Variants in DCC observed in about 807,000 individuals in gnomAD.
DCC encodes netrin receptor DCC.
Under a neutral mutation model 172.5 loss-of-function variants are expected in DCC, and 58 were observed. The observed-to-expected ratio is 0.34, with a 90% confidence interval of 0.27 to 0.42. The LOEUF (loss-of-function observed/expected upper bound fraction) is 0.42, where lower values mean the gene tolerates loss of function less well. Among genes scored for constraint, DCC ranks in the 10% least tolerant of loss-of-function variants. The pLI is 1.00. For missense variants in DCC, 1,740 were observed against 1,791.0 expected (o/e 0.97, Z 0.51); for synonymous variants, 709 against 644.5 (o/e 1.10, Z -1.52).
intron 7 of DCC, among the ~76,000 whole-genome samples, chr18:53,117,943 A>T (rs1401119643): frequency 6.6e-6 from 1 of 151,672 alleles, no homozygotes; most frequent in Admixed American, 6.6e-5. Context: ...TTCTTGTCTT[A>T]TGGGCCACAC....
At chr18:53,495,425 T>C (rs1385998006) in intron 26 of DCC, among the ~76,000 whole-genome samples, 1 of 151,876 alleles carries the variant, frequency 6.6e-6, no homozygotes, top group Non-Finnish European at 1.5e-5. Context: ...GAAAATTCTT[T>C]AAGAATGTTG....
At chr18:53,200,805 C>G (rs183630115) in intron 9 of DCC, among the ~76,000 whole-genome samples, 22 of 152,208 alleles carry the variant, frequency 1.4e-4, no homozygotes, top group African/African-American at 5.1e-4. Context: ...CATACACAGC[C>G]CCTACATTGC....
In DCC at chr18:53,449,283, C is replaced by T. The variant is rs148224456; in HGVS notation, c.3230-1217C>T. 7.2e-3 allele frequency among the ~76,000 whole-genome samples: 1,101 copies of T among 152,200 alleles called. 17 individuals carry two copies. The highest frequency in any genetic ancestry group is 0.027 in the Admixed American group (409 of 15,296). Reference sequence around the variant, plus strand: ...AATGACAAACATGACTGACATAGAACAGAGTATTGCTAGTTGATTTATCAT... The same window carrying T: ...AATGACAAACATGACTGACATAGAATAGAGTATTGCTAGTTGATTTATCAT... On this transcript the variant is annotated intron_variant, in intron 22 of 28. Transcript: ENST00000442544.
chr18:52,939,943 A>G (rs1167104988), intron 5 of DCC, among the ~76,000 whole-genome samples: 4 of 143,454 alleles, frequency 2.8e-5, no homozygotes, highest in Non-Finnish European at 6.1e-5. Context: ...ATCTTTGTAT[A>G]ATGTGTATTT....
intron 2 of DCC, among the ~76,000 whole-genome samples, chr18:52,767,604 C>T (rs1274517347): frequency 6.6e-6 from 1 of 152,168 alleles, no homozygotes; most frequent in East Asian, 1.9e-4. Context: ...TGTTCAAAAA[C>T]TGCAAGCAGT....
intron 15 of DCC, among the ~76,000 whole-genome samples, chr18:53,346,820 T>C (rs191183801): frequency 1.3e-5 from 2 of 152,302 alleles, no homozygotes; most frequent in Admixed American, 1.3e-4. Context: ...TACCATTTTT[T>C]TGGTATGTTG....
chr18:52,887,356 C>T (rs2039585211), intron 2 of DCC, among the ~76,000 whole-genome samples: 2 of 151,818 alleles, frequency 1.3e-5, no homozygotes, highest in African/African-American at 4.8e-5. Context: ...AATGGAGAGC[C>T]AAACATATTA....
intron 1 of DCC, among the ~76,000 whole-genome samples, chr18:52,685,690 C>T (rs567947829): frequency 6.6e-5 from 10 of 151,432 alleles, no homozygotes; most frequent in African/African-American, 2.5e-4. Context: ...TCTCCACTCT[C>T]CCATCTCCCT....
At chr18:52,762,283 G>A (rs936903293) in intron 2 of DCC, among the ~76,000 whole-genome samples, 1 of 151,676 alleles carries the variant, frequency 6.6e-6, no homozygotes, top group African/African-American at 2.4e-5. Flanking sequence ...GATCAGCATG[G>A]GCAACATAGT....
intron 1 of DCC, among the ~76,000 whole-genome samples, chr18:52,366,842 C>T (rs1302198020): frequency 6.6e-6 from 1 of 152,240 alleles, no homozygotes; most frequent in Non-Finnish European, 1.5e-5. Flanking sequence ...CTAGCTTCAC[C>T]CAGTGGATCC....
At position 53,410,612 on chromosome 18, in the gene DCC, A is replaced by G; in HGVS notation, c.3096A>G (p.Pro1032=). The G allele has an allele frequency of 1.2e-6, 2 of 1,609,564 alleles. No individual in the cohort carries two copies. Among genetic ancestry groups the G allele is most frequent in the Non-Finnish European group, 1.7e-6 (2 of 1,175,946 alleles). ...IQARNSKGVG[P]LSDPILFRTL... ...CACGAAATTCAAAAGGAGTGGGGCC[A>G]CTCTCTGATCCTATCCTCTTCAGGA... The change falls in exon 20 of 29, where the codon CCA becomes CCG. Residue 1032 remains proline, a synonymous_variant. Transcript: ENST00000442544.
At chr18:52,652,408 G>C (rs999877509) in intron 1 of DCC, among the ~76,000 whole-genome samples, 1 of 152,146 alleles carries the variant, frequency 6.6e-6, no homozygotes, top group East Asian at 1.9e-4. Flanking sequence ...CCCAGCAAGA[G>C]TATTTTATTT....
chr18:52,669,577 G>A (rs1438359923), intron 1 of DCC, among the ~76,000 whole-genome samples: 2 of 152,138 alleles, frequency 1.3e-5, no homozygotes, highest in African/African-American at 4.8e-5. Flanking sequence ...TTGCAAAGGC[G>A]GTTTCAATGG....
intron 1 of DCC, among the ~76,000 whole-genome samples, chr18:52,687,098 C>T (rs1372390895): frequency 6.6e-6 from 1 of 152,004 alleles, no homozygotes; most frequent in African/African-American, 2.4e-5. Flanking sequence ...CTGACCCTCC[C>T]CCATAACCTT....
At chr18:52,926,916 T>TAAATATATACAC (rs1555682723) in intron 5 of DCC, among the ~76,000 whole-genome samples, 1 of 136,628 alleles carries the variant, frequency 7.3e-6, no homozygotes, top group Non-Finnish European at 1.6e-5. Flanking sequence ...TATATACGTA[T>TAAATATATACAC]ACATATATAT....
chr18:53,369,360 C>T (rs1435317826), intron 15 of DCC, among the ~76,000 whole-genome samples: 2 of 151,778 alleles, frequency 1.3e-5, no homozygotes, highest in Non-Finnish European at 2.9e-5. Flanking sequence ...TTGATTTTAG[C>T]TAAAAACTGA....
At chr18:53,462,000 T>TCTC (rs1194373393) in intron 24 of DCC, among the ~76,000 whole-genome samples, 5 of 152,178 alleles carry the variant, frequency 3.3e-5, no homozygotes, top group Non-Finnish European at 7.4e-5. Flanking sequence ...CTTTTCCCCT[T>TCTC]CTCTCCACTT....
At chr18:52,348,751 T>C (rs1983988688) in intron 1 of DCC, among the ~76,000 whole-genome samples, 1 of 152,178 alleles carries the variant, frequency 6.6e-6, no homozygotes, top group Non-Finnish European at 1.5e-5. Context: ...GCCTAATACT[T>C]TACCATGTTG....
intron 1 of DCC, among the ~76,000 whole-genome samples, chr18:52,688,229 T>C (rs544248677): frequency 6.6e-6 from 1 of 152,174 alleles, no homozygotes; most frequent in East Asian, 1.9e-4. Context: ...AAAGTGTAGA[T>C]GTGCTGTAGG....
Sources: allele counts gnomAD v4.1 joint callset (sites outside exome capture counted in the v4.1 genomes callset), GRCh38; gene constraint gnomAD v4.1.1; transcripts MANE v1.5; gene names NCBI Gene and HGNC (gene_info 2026-07-23, HGNC 2026-07-21).